The following DACH2 variants were observed in gnomAD, a reference collection of about 807,000 sequenced individuals.
The protein encoded by DACH2 is dachshund homolog 2.
DACH2 carries 17 observed loss-of-function variants against 35.8 expected under a neutral mutation model. The observed-to-expected ratio is 0.48, with a 90% confidence interval of 0.33 to 0.71. The LOEUF is 0.71. Among genes scored for constraint, DACH2 ranks in the 30% least tolerant of loss-of-function variants. The pLI is 0.02. For synonymous variants in DACH2, 195 were observed against 177.3 expected (o/e 1.10, Z -0.79); for missense variants, 469 against 472.7 (o/e 0.99, Z 0.07).
At chrX:86,329,723 C>A (rs765084187) in intron 1 of DACH2, among the ~76,000 whole-genome samples, 76 of 111,530 alleles carry the variant, frequency 6.8e-4, no homozygotes, top group African/African-American at 2.3e-3. Context: ...CAACAGAAAC[C>A]TATAGCTTTA....
chrX:86,765,424 G>A (rs1377315338), intron 7 of DACH2, among the ~76,000 whole-genome samples: 2 of 110,904 alleles, frequency 1.8e-5, no homozygotes, highest in African/African-American at 6.6e-5. Context: ...TGAAAAGTAG[G>A]GGTCCAATTT....
chrX:86,245,786 G>T (rs1444238543), intron 1 of DACH2, among the ~76,000 whole-genome samples: 1 of 111,877 alleles, frequency 8.9e-6, no homozygotes, highest in African/African-American at 3.2e-5. Flanking sequence ...TTGCCTCCAA[G>T]CAACCACACT....
At chrX:86,313,274 G>T (rs753490812) in intron 1 of DACH2, among the ~76,000 whole-genome samples, 1 of 111,583 alleles carries the variant, frequency 9.0e-6, no homozygotes, top group Non-Finnish European at 1.9e-5. Context: ...AAGACAAATG[G>T]TTACAATGTT....
At chrX:86,286,483 G>A (rs893591021) in intron 1 of DACH2, among the ~76,000 whole-genome samples, 6 of 110,456 alleles carry the variant, frequency 5.4e-5, no homozygotes, top group African/African-American at 2.0e-4. Context: ...GACTTACTCC[G>A]GCCATTTTGT....
At chrX:86,697,606 G>C (rs1177436249) in intron 5 of DACH2, among the ~76,000 whole-genome samples, 2 of 110,331 alleles carry the variant, frequency 1.8e-5, no homozygotes, top group East Asian at 2.9e-4. Context: ...AATATACTAA[G>C]AGAATGGAAA....
chrX:86,466,644 G>A (rs1361848995), intron 2 of DACH2, among the ~76,000 whole-genome samples: 2 of 111,868 alleles, frequency 1.8e-5, no homozygotes, highest in African/African-American at 3.3e-5. Context: ...TACTTCTTAG[G>A]TACAATGGGG....
intron 1 of DACH2, among the ~76,000 whole-genome samples, chrX:86,222,900 G>A (rs979261059): frequency 3.6e-5 from 4 of 110,615 alleles, no homozygotes; most frequent in African/African-American, 9.9e-5. Flanking sequence ...ATTAGTAAGG[G>A]CCAAAGTTGA....
At chrX:86,468,530 A>G (rs2037710367) in intron 2 of DACH2, among the ~76,000 whole-genome samples, 1 of 111,801 alleles carries the variant, frequency 8.9e-6, no homozygotes, top group Non-Finnish European at 1.9e-5. Flanking sequence ...TGTGTCAGTT[A>G]AAAGCCTACT....
chrX:86,787,250 A>G (rs1333270099), intron 7 of DACH2, among the ~76,000 whole-genome samples: 1 of 112,255 alleles, frequency 8.9e-6, no homozygotes, highest in Admixed American at 9.5e-5. Flanking sequence ...AGAGTTTTAA[A>G]TGGAAAATAA....
Position 86,425,718 on chromosome X carries a change from A to T in DACH2, c.527+48856A>T, listed in dbSNP as rs183044814. ...TTTATTATATTTAAGGGTGTAGGGCAAAAGGATCAGCTTTACTTACTCTGA... is the reference window on the plus strand; with the variant it reads ...TTTATTATATTTAAGGGTGTAGGGCTAAAGGATCAGCTTTACTTACTCTGA... On this transcript the variant is annotated intron_variant, in intron 2 of 11. Coordinates refer to ENST00000373125, the MANE Select transcript of DACH2 (RefSeq NM_053281.3). Among the ~76,000 whole-genome samples, 32 of 111,003 alleles carry T rather than the reference A, an allele frequency of 2.9e-4. No individual in the cohort carries two copies. The East Asian group carries it at 3.7e-3, about 13-fold the overall frequency.
chrX:86,618,474 C>G (rs2040032384), intron 3 of DACH2, among the ~76,000 whole-genome samples: 4 of 111,546 alleles, frequency 3.6e-5, no homozygotes, highest in Admixed American at 9.6e-5. Context: ...ATAAATGTAT[C>G]ATACATAGTA....
intron 1 of DACH2, among the ~76,000 whole-genome samples, chrX:86,365,763 T>C (rs1269683594): frequency 9.0e-6 from 1 of 111,331 alleles, no homozygotes; most frequent in Non-Finnish European, 1.9e-5. Flanking sequence ...TTTTATAATG[T>C]TTGCACTTTT....
intron 5 of DACH2, among the ~76,000 whole-genome samples, chrX:86,698,521 G>GTGTTTTTTTTTTTTTTTTTTTT (rs2041096546): frequency 3.0e-5 from 1 of 32,957 alleles, no homozygotes; most frequent in African/African-American, 1.5e-4. Flanking sequence ...TTAGTTTTGT[G>GTGTTTTTTTTTTTTTTTTTTTT]TTTTTTTTTT....
intron 2 of DACH2, among the ~76,000 whole-genome samples, chrX:86,467,418 A>T (rs1033083148): frequency 8.9e-6 from 1 of 111,783 alleles, no homozygotes; most frequent in African/African-American, 3.3e-5. Flanking sequence ...TCATATCACT[A>T]TCAGCTTTTT....
intron 1 of DACH2, among the ~76,000 whole-genome samples, chrX:86,284,725 G>A (rs188153871): frequency 2.7e-5 from 3 of 111,031 alleles, no homozygotes; most frequent in African/African-American, 9.8e-5. Flanking sequence ...GAAGTTGTTG[G>A]GTTGCAGGCT....
intron 3 of DACH2, among the ~76,000 whole-genome samples, chrX:86,569,454 C>T (rs2038072): frequency 0.31 from 33,913 of 109,908 alleles, 4,447 homozygotes; most frequent in Middle Eastern, 0.46. Context: ...GAAAATATAT[C>T]GTTTCTAAAA....
Position 86,509,068 on chromosome X carries a change from G to A in DACH2, c.528-5211G>A, listed in dbSNP as rs987725421. The stretch of plus-strand genomic sequence containing the variant: ...ATGCATGACCCATTGACAAGTGGAG[G>A]TTTTCCTTCATCCCCCTCAACAATC... On this transcript the variant is annotated intron_variant, in intron 2 of 11. Transcript: ENST00000373125. Among the ~76,000 whole-genome samples, 12 of 111,604 alleles carry A rather than the reference G, an allele frequency of 1.1e-4. No homozygotes were observed. In the Admixed American group the frequency reaches 1.1e-3, roughly 11 times the overall value.
At chrX:86,359,480 G>T (rs2035702507) in intron 1 of DACH2, among the ~76,000 whole-genome samples, 1 of 111,809 alleles carries the variant, frequency 8.9e-6, no homozygotes, top group Non-Finnish European at 1.9e-5. Flanking sequence ...AGGTGTGGTG[G>T]CTCAAACCTG....
chrX:86,344,034 T>C (rs945664105), intron 1 of DACH2, among the ~76,000 whole-genome samples: 5 of 110,091 alleles, frequency 4.5e-5, no homozygotes, highest in African/African-American at 1.7e-4. Context: ...TAATGACTTA[T>C]TGTACATTTT....
Sources: gnomAD v4.1 joint callset for allele counts (sites outside exome capture counted in the v4.1 genomes callset) on GRCh38, gnomAD v4.1.1 for gene constraint, MANE v1.5 for transcripts, NCBI Gene and HGNC (gene_info 2026-07-23, HGNC 2026-07-21) for gene names.